The following POGLUT1 variants were observed in gnomAD, a reference collection of about 807,000 sequenced individuals.
POGLUT1 encodes 9630046K23Rik.
POGLUT1 carries 32 observed loss-of-function variants against 61.3 expected under a neutral mutation model. That is an observed-to-expected ratio of 0.52 (90% CI 0.39 to 0.70). The LOEUF (loss-of-function observed/expected upper bound fraction) is 0.70. Among genes scored for constraint, POGLUT1 ranks in the 30% least tolerant of loss-of-function variants. The pLI is 0.00. For missense variants in POGLUT1, 411 were observed against 469.8 expected (o/e 0.87, Z 1.16); for synonymous variants, 158 against 158.2 (o/e 1.00, Z 0.01).
intron 3 of POGLUT1, among the ~76,000 whole-genome samples, chr3:119,474,527 A>C (rs577642194): frequency 6.6e-6 from 1 of 152,290 alleles, no homozygotes; most frequent in Admixed American, 6.5e-5. Flanking sequence ...GAATCATATA[A>C]GAGAGTATAT....
Position 119,468,994 on chromosome 3 carries a change from C to G in POGLUT1, c.-28C>G, listed in dbSNP as rs760265593. 6.3e-7 allele frequency: 1 copy of G among 1,588,254 alleles called. No individual in the cohort carries two copies. On this transcript the variant is annotated 5_prime_UTR_variant, in exon 1 of 11. Coordinates refer to ENST00000295588, the MANE Select transcript of POGLUT1 (RefSeq NM_152305.3). ...GGCCGCGCTTCCGCCAGCGCCGCAG[C>G]GGGGAATCTGCAGTAGGTCTGCCGG...
rs565970619 is a variant in POGLUT1 at position 119,478,361 on chromosome 3, G to C, written c.456+913G>C. Reference sequence around the variant, plus strand: ...TTGTTTTATTTCCTGTGTTGCAAGTGGGCAGAGGCCACATTTGTGTTGCAT... The same window carrying C: ...TTGTTTTATTTCCTGTGTTGCAAGTCGGCAGAGGCCACATTTGTGTTGCAT... On this transcript the variant is annotated intron_variant, in intron 4 of 10. Coordinates refer to ENST00000295588, the MANE Select transcript of POGLUT1 (RefSeq NM_152305.3). 2.4e-3 allele frequency: 1,106 copies of C among 456,636 alleles called. 12 individuals carry two copies. The highest frequency in any genetic ancestry group is 0.016 in the South Asian group (1,027 of 64,566). 28.3% of individuals were successfully genotyped at this position (456,636 alleles called of 1,614,324 possible). A position where few individuals can be genotyped will look rare whatever the true frequency, so the allele number is the denominator to read the frequency against.
At chr3:119,474,331 A>C (rs552640328) in intron 3 of POGLUT1, among the ~76,000 whole-genome samples, 1 of 152,038 alleles carries the variant, frequency 6.6e-6, no homozygotes, top group Non-Finnish European at 1.5e-5. Context: ...GTGTACACTG[A>C]TAAGTCTTCA....
chr3:119,483,487 G>C (rs1001026728), intron 5 of POGLUT1, among the ~76,000 whole-genome samples: 1 of 152,190 alleles, frequency 6.6e-6, no homozygotes, highest in African/African-American at 2.4e-5. Flanking sequence ...TTGTAAAATA[G>C]GGGTGATAAA....
intron 7 of POGLUT1, 100 bp from the exon 8 acceptor site, chr3:119,488,829 A>G: frequency 1.6e-6 from 1 of 618,708 alleles, no homozygotes; most frequent in Non-Finnish European, 3.0e-6. Context: ...ATGAAGCTTA[A>G]ATGAGGTAAT....
chr3:119,471,683 G>A, intron 3 of POGLUT1: 1 of 492,972 alleles, frequency 2.0e-6, no homozygotes, highest in Non-Finnish European at 3.7e-6. Context: ...ACTGGTGGTG[G>A]CTCTGCCTCT....
intron 3 of POGLUT1, among the ~76,000 whole-genome samples, chr3:119,476,390 ATGTT>A (rs2081538108): frequency 6.6e-6 from 1 of 150,990 alleles, no homozygotes; most frequent in Non-Finnish European, 1.5e-5. Context: ...ATCTTTTCCT[ATGTT>A]TGTGAACTGT....
intron 5 of POGLUT1, among the ~76,000 whole-genome samples, chr3:119,484,281 A>G (rs574006335): frequency 6.6e-6 from 1 of 152,320 alleles, no homozygotes; most frequent in East Asian, 1.9e-4. Context: ...ACCTGTGCCT[A>G]GAAAGTTTAT....
At chr3:119,473,395 C>T (rs963482054) in intron 3 of POGLUT1, among the ~76,000 whole-genome samples, 4 of 152,152 alleles carry the variant, frequency 2.6e-5, no homozygotes, top group Admixed American at 1.3e-4. Flanking sequence ...TCTTCCTGAG[C>T]TCAGAACATT....
chr3:119,469,125 C>T lies in POGLUT1; in HGVS notation c.85+19C>T, dbSNP rs371360954. On this transcript the variant is annotated intron_variant, in intron 1 of 10. Coordinates refer to ENST00000295588, the MANE Select transcript of POGLUT1 (RefSeq NM_152305.3). The stretch of plus-strand genomic sequence containing the variant: ...GAGTCAGGTGGGCTCCGGGCAGTGC[C>T]GAGCCTGCCCCTTGGGCTCGGGGTC... 6.4e-7 allele frequency: 1 copy of T among 1,572,496 alleles called. No individual in the cohort carries two copies. Among genetic ancestry groups the T allele is most frequent in the South Asian group, 1.1e-5 (1 of 87,858 alleles).
At chr3:119,480,439 G>T (rs937458348) in intron 5 of POGLUT1, among the ~76,000 whole-genome samples, 2 of 151,686 alleles carry the variant, frequency 1.3e-5, no homozygotes, top group Non-Finnish European at 2.9e-5. Context: ...GTAGAGACGG[G>T]GTGTCTCCAT....
Position 119,486,946 on chromosome 3 carries a change from A to T in POGLUT1, c.738+14A>T. 6.7e-7 allele frequency: 1 copy of T among 1,492,316 alleles called. No homozygotes were observed. Among genetic ancestry groups the T allele is most frequent in the Non-Finnish European group, 9.4e-7 (1 of 1,068,918 alleles). 92.4% of individuals were successfully genotyped at this position (1,492,316 alleles called of 1,614,324 possible). ...AAATCTATGAAAGTAATCACCAGTC[A>T]TCTGACTAGAACTACAGCAGTGAAC... is the stretch of plus-strand genomic sequence containing the variant. On this transcript the variant is annotated intron_variant, in intron 7 of 10. Coordinates refer to ENST00000295588, the MANE Select transcript of POGLUT1 (RefSeq NM_152305.3).
rs912259335 is a variant in POGLUT1, at chr3:119,493,767, G to A, written c.*1329G>A. On this transcript the variant is annotated 3_prime_UTR_variant, in exon 11 of 11. Coordinates refer to ENST00000295588, the MANE Select transcript of POGLUT1 (RefSeq NM_152305.3). ...TAGAGAAGTTGAGCATGCCTGGCAA[G>A]ATCATTTCATGGAATAAGCAGATGT... 2.3e-4 allele frequency: 34 copies of A among 149,252 alleles called. No individual in the cohort carries two copies. The highest frequency in any genetic ancestry group is 8.4e-4 in the African/African-American group (34 of 40,256). The allele number at this position is 149,252 out of a possible 1,614,324, so 9.2% of individuals were successfully genotyped here. A position where few individuals can be genotyped will look rare whatever the true frequency, so the allele number is the denominator to read the frequency against.
At position 119,492,310 on chromosome 3, in the gene POGLUT1, C is replaced by T. The variant is rs1366312526; in HGVS notation, c.1051C>T (p.Gln351Ter). 6.2e-7 allele frequency: 1 copy of T among 1,607,684 alleles called. No individual in the cohort carries two copies. Among genetic ancestry groups the T allele is most frequent in the Non-Finnish European group, 8.5e-7 (1 of 1,177,038 alleles). The change falls in exon 11 of 11, where the codon CAG becomes TAG. Residue 351 changes from glutamine (Q) to a stop codon, truncating the protein, a stop_gained. Transcript: ENST00000295588. LOFTEE classifies it high-confidence loss of function. ...RGSQFIRNHLQMDDITCYWEN... is the reference protein window; with the variant it reads ...RGSQFIRNHL The stretch of plus-strand genomic sequence containing the variant: ...AAGCCAGTTTATTAGGAACCATTTG[C>T]AGATGGATGACATCACCTGTTACTG...
At chr3:119,477,254 C>T in intron 3 of POGLUT1, 59 bp from the exon 4 acceptor site, 2 of 1,565,378 alleles carry the variant, frequency 1.3e-6, no homozygotes, top group Non-Finnish European at 8.8e-7. Context: ...TGGGACCTCG[C>T]CTTGTCCTAG....
At chr3:119,479,851 A>T (rs989919059) in intron 4 of POGLUT1, 200 bp from the exon 5 acceptor site, 1 of 1,355,952 alleles carries the variant, frequency 7.4e-7, no homozygotes, top group African/African-American at 1.5e-5. Flanking sequence ...GAATTCTGGA[A>T]TTCAGTGAGC....
At chr3:119,482,479 A>C (rs916413990) in intron 5 of POGLUT1, among the ~76,000 whole-genome samples, 6 of 152,084 alleles carry the variant, frequency 3.9e-5, no homozygotes, top group African/African-American at 1.2e-4. Flanking sequence ...TTATCCAGTT[A>C]CTCCACCGTG....
Position 119,489,006 on chromosome 3 carries a change from C to T in POGLUT1, c.797+19C>T, listed in dbSNP as rs768477114. 3.4e-6 allele frequency: 5 copies of T among 1,486,096 alleles called. No homozygotes were observed. The Admixed American group carries it at 6.8e-5, about 20-fold the overall frequency. 92.1% of individuals were successfully genotyped at this position (1,486,096 alleles called of 1,614,324 possible). Reference sequence around the variant, plus strand: ...AATACAAGTAAGATTTGCAGGACTCCTCACTTTCTTGGTTTCCATACTGCT... The same window carrying T: ...AATACAAGTAAGATTTGCAGGACTCTTCACTTTCTTGGTTTCCATACTGCT... On this transcript the variant is annotated intron_variant, in intron 8 of 10. Transcript: ENST00000295588.
At chr3:119,483,547 A>G (rs949155820) in intron 5 of POGLUT1, among the ~76,000 whole-genome samples, 10 of 152,242 alleles carry the variant, frequency 6.6e-5, no homozygotes, top group Non-Finnish European at 1.0e-4. Context: ...AAAGCACTTA[A>G]AACAATGTCT....
Sources: gnomAD v4.1 joint callset for allele counts (sites outside exome capture counted in the v4.1 genomes callset) on GRCh38, gnomAD v4.1.1 for gene constraint, MANE v1.5 for transcripts, NCBI Gene and HGNC (gene_info 2026-07-23, HGNC 2026-07-21) for gene names.